Variants in BLK observed in about 807,000 individuals in gnomAD.
BLK encodes BLK proto-oncogene, Src family tyrosine kinase, also known as tyrosine-protein kinase Blk.
Under a neutral mutation model 61.8 loss-of-function variants are expected in BLK, and 64 were observed. That is an observed-to-expected ratio of 1.03 (90% CI 0.85 to 1.27). The LOEUF is 1.27. BLK is among the 50% of genes most tolerant of loss of function. The pLI, the probability that BLK is intolerant of heterozygous loss-of-function variation, is 0.00. For synonymous variants in BLK, 351 were observed against 272.0 expected, an observed-to-expected ratio of 1.29 and a Z score of -2.86; for missense variants, 853 against 660.5, an observed-to-expected ratio of 1.29 and a Z score of -3.19.
chr8:11,550,440 C>T (rs770563556), intron 6 of BLK, among the ~76,000 whole-genome samples, 178 bp downstream of exon 6: 1 of 152,254 alleles, frequency 6.6e-6, no homozygotes, highest in Non-Finnish European at 1.5e-5. Context: ...GCTGTCCACA[C>T]AGTCCTCCCT....
intron 1 of BLK, among the ~76,000 whole-genome samples, chr8:11,500,287 G>A (rs749458883): frequency 6.3e-4 from 95 of 151,770 alleles, no homozygotes; most frequent in Non-Finnish European, 9.4e-4. Flanking sequence ...TCCGCCTCCC[G>A]GGTTCAAGCA....
chr8:11,558,928 A>G (rs759914882), intron 10 of BLK: 10 of 455,514 alleles, frequency 2.2e-5, no homozygotes. Context: ...GCGCCGCTGC[A>G]GGAACTGATG....
intron 1 of BLK, among the ~76,000 whole-genome samples, chr8:11,520,912 T>TA (rs1799425629): frequency 6.6e-6 from 1 of 152,200 alleles, no homozygotes; most frequent in Non-Finnish European, 1.5e-5. Flanking sequence ...AAATTGTATA[T>TA]AAATTTAAAT....
At chr8:11,513,739 T>A (rs1799113722) in intron 1 of BLK, among the ~76,000 whole-genome samples, 1 of 152,216 alleles carries the variant, frequency 6.6e-6, no homozygotes, top group Non-Finnish European at 1.5e-5. Flanking sequence ...TAGCCAGAGT[T>A]ATAGAGTGGT....
intron 1 of BLK, among the ~76,000 whole-genome samples, chr8:11,527,589 G>A (rs1396690562): frequency 2.6e-5 from 4 of 151,786 alleles, no homozygotes; most frequent in African/African-American, 7.3e-5. Context: ...GGACTTTTAT[G>A]GACAATTTGG....
intron 1 of BLK, among the ~76,000 whole-genome samples, chr8:11,536,690 A>G (rs1467328082): frequency 1.3e-5 from 2 of 152,190 alleles, no homozygotes; most frequent in African/African-American, 4.8e-5. Flanking sequence ...ACAGGCATGA[A>G]CCACTGTGCC....
chr8:11,520,261 G>C (rs1799388549), intron 1 of BLK, among the ~76,000 whole-genome samples: 1 of 152,038 alleles, frequency 6.6e-6, no homozygotes, highest in African/African-American at 2.4e-5. Flanking sequence ...AGGATCGCTT[G>C]AGCCCAGGAC....
intron 6 of BLK, among the ~76,000 whole-genome samples, chr8:11,550,840 A>T (rs1800866248): frequency 6.6e-6 from 1 of 151,920 alleles, no homozygotes; most frequent in South Asian, 2.2e-4. Flanking sequence ...TTCCTTCTTA[A>T]TTTTTTTGGT....
At chr8:11,523,058 T>TG (rs397763925) in intron 1 of BLK, among the ~76,000 whole-genome samples, 44 of 149,774 alleles carry the variant, frequency 2.9e-4, no homozygotes, top group Non-Finnish European at 4.9e-4. Context: ...TTATTTTCTG[T>TG]TTTTTTATAC....
chr8:11,496,506 G>T (rs1798363496), intron 1 of BLK, among the ~76,000 whole-genome samples: 1 of 152,244 alleles, frequency 6.6e-6, no homozygotes, highest in South Asian at 2.1e-4. Flanking sequence ...GCCTCCCACA[G>T]TGCTGGGATT....
At chr8:11,512,103 C>G (rs1490373034) in intron 1 of BLK, among the ~76,000 whole-genome samples, 1 of 152,108 alleles carries the variant, frequency 6.6e-6, no homozygotes, top group Non-Finnish European at 1.5e-5. Flanking sequence ...ATGGCTTTTC[C>G]TTGAAGAGCT....
intron 8 of BLK, chr8:11,556,193 G>C (rs1801212177): frequency 3.8e-6 from 1 of 266,102 alleles, no homozygotes. Context: ...TACAGGGAGA[G>C]TGTGGAGATA....
intron 1 of BLK, among the ~76,000 whole-genome samples, chr8:11,537,311 A>G (rs538301667): frequency 6.6e-6 from 1 of 152,060 alleles, no homozygotes; most frequent in Non-Finnish European, 1.5e-5. Flanking sequence ...TCCATATGGG[A>G]TCTCATGCCG....
In BLK at chr8:11,543,234, G is replaced by A. The variant is rs151045602; in HGVS notation, c.10G>A (p.Val4Ile). Residue 4 changes from valine to isoleucine, a missense_variant, in exon 2 of 13, where the codon GTA becomes ATA. Val to Ile is a conservative substitution (Grantham distance 29, BLOSUM62 3). Transcript: ENST00000259089. ...GTGTGTCTCCGACAGGATGGGGCTG[G>A]TAAGTAGCAAAAAGCCGGACAAGGA... MGLVSSKKPDKEKP... is the reference protein window; with the variant it reads MGLISSKKPDKEKP... 4.2e-5 allele frequency: 68 copies of A among 1,613,778 alleles called. No individual in the cohort carries two copies. Among genetic ancestry groups the A allele is most frequent in the Non-Finnish European group, 5.4e-5 (64 of 1,180,004 alleles).
At chr8:11,543,029 C>T (rs963655483) in intron 1 of BLK, among the ~76,000 whole-genome samples, 195 bp from the exon 2 acceptor site, 1 of 152,070 alleles carries the variant, frequency 6.6e-6, no homozygotes, top group Admixed American at 6.5e-5. Flanking sequence ...GCTGTATGGG[C>T]CCCCGAAAAA....
At chr8:11,517,240 G>A (rs1799264371) in intron 1 of BLK, among the ~76,000 whole-genome samples, 2 of 152,248 alleles carry the variant, frequency 1.3e-5, no homozygotes, top group Admixed American at 6.5e-5. Context: ...CTGGCTGCCT[G>A]TGGACGGGAG....
chr8:11,509,930 A>G (rs1798931245), intron 1 of BLK: 1 of 152,146 alleles, frequency 6.6e-6, no homozygotes, highest in East Asian at 1.9e-4. Context: ...CTTTCTTTTT[A>G]TTATAACATA....
At chr8:11,524,437 A>G (rs1162113744) in intron 1 of BLK, among the ~76,000 whole-genome samples, 1 of 152,230 alleles carries the variant, frequency 6.6e-6, no homozygotes, top group East Asian at 1.9e-4. Flanking sequence ...TGAAAAGTAA[A>G]AGACCACTTT....
intron 1 of BLK, among the ~76,000 whole-genome samples, chr8:11,499,017 G>C (rs9694210): frequency 7.6e-4 from 116 of 152,292 alleles, no homozygotes; most frequent in African/African-American, 2.7e-3. Flanking sequence ...TGGTGTTGTT[G>C]TTTCTCAAAA....
Sources: allele counts gnomAD v4.1 joint callset (sites outside exome capture counted in the v4.1 genomes callset), GRCh38; gene constraint gnomAD v4.1.1; transcripts MANE v1.5; gene names NCBI Gene and HGNC (gene_info 2026-07-23, HGNC 2026-07-21).